EPHA6: variants seen among roughly 807,000 people sequenced by gnomAD.
EPHA6 encodes the protein EPH receptor A6.
In EPHA6, 50 loss-of-function variants were observed where a neutral mutation model predicts 112.0. The ratio of observed to expected loss-of-function variants is 0.45; its 90% CI spans 0.36 to 0.56. EPHA6 has a LOEUF of 0.56. Among genes scored for constraint, EPHA6 ranks in the 20% least tolerant of loss-of-function variants. The probability of loss-of-function intolerance (pLI) is 0.00; values close to 1 mark genes in which losing one functional copy is unlikely to be tolerated. For synonymous variants in EPHA6, 529 were observed against 490.7 expected, an observed-to-expected ratio of 1.08 and a Z score of -1.03; for missense variants, 1,280 against 1,417.4, an observed-to-expected ratio of 0.90 and a Z score of 1.56.
intron 1 of EPHA6, among the ~76,000 whole-genome samples, chr3:96,847,193 C>T (rs890231218): frequency 3.3e-5 from 5 of 152,102 alleles, no homozygotes; most frequent in Admixed American, 3.3e-4. Flanking sequence ...GCATTTGCTA[C>T]TGTATATAAA....
chr3:97,219,641 C>CT (rs879518092), intron 3 of EPHA6, among the ~76,000 whole-genome samples: 6 of 152,130 alleles, frequency 3.9e-5, no homozygotes, highest in Admixed American at 3.3e-4. Flanking sequence ...CCCACGAAAC[C>CT]TTTTTTCCCT....
At chr3:97,180,741 C>G (rs981969582) in intron 3 of EPHA6, among the ~76,000 whole-genome samples, 1 of 152,022 alleles carries the variant, frequency 6.6e-6, no homozygotes, top group Non-Finnish European at 1.5e-5. Context: ...AAGATAAAGT[C>G]CTCTTTACAC....
rs566360329 is a variant in EPHA6 at position 97,747,367 on chromosome 3, G to A, written c.3129-56G>A. On this transcript the variant is annotated intron_variant, in intron 16 of 17. Transcript: ENST00000389672. Reference sequence around the variant, plus strand: ...GTAAAAATAAAGTTCCGTGATTTGTGCTTTATTTGGCTTTTAAATGCTCTC... The same window carrying A: ...GTAAAAATAAAGTTCCGTGATTTGTACTTTATTTGGCTTTTAAATGCTCTC... 1.5e-5 allele frequency: 21 copies of A among 1,375,712 alleles called. No individual in the cohort carries two copies. The East Asian group carries it at 3.7e-4, about 24-fold the overall frequency. 85.2% of individuals were successfully genotyped at this position (1,375,712 alleles called of 1,614,324 possible).
chr3:97,299,220 AGT>A (rs60777824), intron 5 of EPHA6, among the ~76,000 whole-genome samples: 4,201 of 132,834 alleles, frequency 0.032, 166 homozygotes, highest in African/African-American at 0.092. Flanking sequence ...TGTAGGGGGG[AGT>A]GTGTGTGTGT....
chr3:97,676,917 C>G (rs2031440731), intron 14 of EPHA6, among the ~76,000 whole-genome samples: 1 of 152,112 alleles, frequency 6.6e-6, no homozygotes, highest in Non-Finnish European at 1.5e-5. Context: ...GATACGGAAT[C>G]ATCTAGAAGA....
intron 2 of EPHA6, among the ~76,000 whole-genome samples, chr3:96,904,576 G>A (rs1559817564): frequency 6.6e-6 from 1 of 151,370 alleles, no homozygotes; most frequent in East Asian, 2.0e-4. Flanking sequence ...CCTGCACATT[G>A]TGCACATGTA....
intron 3 of EPHA6, among the ~76,000 whole-genome samples, chr3:97,211,308 C>A (rs1004253233): frequency 1.3e-5 from 2 of 151,958 alleles, no homozygotes; most frequent in African/African-American, 4.8e-5. Context: ...TGGTAGACAC[C>A]CTTCTGATCA....
chr3:97,481,365 GAGA>G (rs1484809857), intron 9 of EPHA6: 59 of 1,541,578 alleles, frequency 3.8e-5, no homozygotes, highest in East Asian at 2.7e-4. Context: ...TAGCTATTCT[GAGA>G]AGGAGTTTCT....
intron 5 of EPHA6, among the ~76,000 whole-genome samples, chr3:97,354,253 G>A (rs564389274): frequency 3.3e-5 from 5 of 152,106 alleles, no homozygotes; most frequent in Admixed American, 6.6e-5. Context: ...ATCCACAAGC[G>A]TCAAGACCAT....
At chr3:97,341,440 C>T (rs549882162) in intron 5 of EPHA6, among the ~76,000 whole-genome samples, 1 of 151,862 alleles carries the variant, frequency 6.6e-6, no homozygotes, top group African/African-American at 2.4e-5. Flanking sequence ...CTGCAAGCTC[C>T]GCCTCCCAGG....
At chr3:97,164,714 G>A (rs2076499190) in intron 3 of EPHA6, among the ~76,000 whole-genome samples, 3 of 152,034 alleles carry the variant, frequency 2.0e-5, no homozygotes, top group Non-Finnish European at 4.4e-5. Context: ...TATTTTGGGA[G>A]ACAGTCTTTT....
intron 10 of EPHA6, among the ~76,000 whole-genome samples, chr3:97,519,359 A>G (rs1333527352): frequency 2.0e-5 from 3 of 152,118 alleles, no homozygotes; most frequent in Non-Finnish European, 4.4e-5. Flanking sequence ...GTCTGTTTTT[A>G]TAGCAATACT....
chr3:97,120,520 ACTT>A (rs376246938), intron 3 of EPHA6, among the ~76,000 whole-genome samples: 15 of 152,062 alleles, frequency 9.9e-5, no homozygotes, highest in African/African-American at 2.6e-4. Flanking sequence ...CTGAGTCACC[ACTT>A]CTTCTAGGCA....
At chr3:96,965,444 C>T (rs1490618860) in intron 2 of EPHA6, among the ~76,000 whole-genome samples, 1 of 152,048 alleles carries the variant, frequency 6.6e-6, no homozygotes, top group Non-Finnish European at 1.5e-5. Context: ...TGAATCTTCT[C>T]ATATACTTGT....
intron 16 of EPHA6, among the ~76,000 whole-genome samples, chr3:97,740,804 ATTTTGT>A (rs2107873568): frequency 6.6e-6 from 1 of 152,232 alleles, no homozygotes; most frequent in Admixed American, 6.5e-5. Flanking sequence ...TTTTGAGAAG[ATTTTGT>A]TCAATGCCAC....
At chr3:97,164,832 A>T (rs1328013645) in intron 3 of EPHA6, among the ~76,000 whole-genome samples, 1 of 151,876 alleles carries the variant, frequency 6.6e-6, no homozygotes, top group Non-Finnish European at 1.5e-5. Context: ...TATTTCTACC[A>T]CCAGCATCCT....
At chr3:97,333,457 G>T (rs955320335) in intron 5 of EPHA6, among the ~76,000 whole-genome samples, 2 of 133,914 alleles carry the variant, frequency 1.5e-5, no homozygotes, top group South Asian at 2.3e-4. Flanking sequence ...TTTACACTCT[G>T]TATGGCTTTT....
chr3:97,274,932 G>A (rs1414657888), intron 5 of EPHA6, among the ~76,000 whole-genome samples: 2 of 152,174 alleles, frequency 1.3e-5, no homozygotes, highest in East Asian at 3.9e-4. Context: ...AGGAGCCGGG[G>A]AGCAGAAACT....
At chr3:97,333,468 C>CTTTTTTTTTTTTTT (rs869258362) in intron 5 of EPHA6, among the ~76,000 whole-genome samples, 4 of 75,880 alleles carry the variant, frequency 5.3e-5, no homozygotes, top group African/African-American at 1.7e-4. Flanking sequence ...TATGGCTTTT[C>CTTTTTTTTTTTTTT]TTTTTTTTTT....
Sources: gnomAD v4.1 joint callset for allele counts (sites outside exome capture counted in the v4.1 genomes callset) on GRCh38, gnomAD v4.1.1 for gene constraint, MANE v1.5 for transcripts, NCBI Gene and HGNC (gene_info 2026-07-23, HGNC 2026-07-21) for gene names.